Variants in ABI1 observed in about 807,000 individuals in gnomAD.
ABI1 encodes abl interactor 1.
ABI1 carries 14 observed loss-of-function variants against 54.6 expected under a neutral mutation model. The ratio of observed to expected loss-of-function variants is 0.26; its 90% CI spans 0.17 to 0.40. ABI1 has a LOEUF of 0.40. Among genes scored for constraint, ABI1 ranks in the 10% least tolerant of loss-of-function variants. The pLI, the probability that ABI1 is intolerant of heterozygous loss-of-function variation, is 1.00. For synonymous variants in ABI1, 194 were observed against 209.3 expected (o/e 0.93, Z 0.63); for missense variants, 443 against 598.3 (o/e 0.74, Z 2.71).
chr10:26,779,551 T>C (rs534090469), intron 2 of ABI1, among the ~76,000 whole-genome samples: 3 of 152,296 alleles, frequency 2.0e-5, no homozygotes, highest in African/African-American at 4.8e-5. Flanking sequence ...TACACTGAGT[T>C]TGAAAGTAAG....
At chr10:26,791,258 A>G (rs1588889443) in intron 2 of ABI1, among the ~76,000 whole-genome samples, 1 of 152,076 alleles carries the variant, frequency 6.6e-6, no homozygotes, top group East Asian at 1.9e-4. Context: ...AAACCCTAAA[A>G]GCTCTCTCCC....
At chr10:26,789,258 AT>A (rs909364433) in intron 2 of ABI1, 5 of 152,224 alleles carry the variant, frequency 3.3e-5, no homozygotes, top group Admixed American at 6.5e-5. Context: ...TTGTCAATAA[AT>A]GAAGACCATG....
chr10:26,786,339 C>G (rs550619448), intron 2 of ABI1, among the ~76,000 whole-genome samples: 71 of 152,044 alleles, frequency 4.7e-4, no homozygotes, highest in African/African-American at 1.7e-3. Flanking sequence ...TCATGACTCC[C>G]GAGTAGCTGG....
At chr10:26,822,190 A>G (rs1256486265) in intron 2 of ABI1, among the ~76,000 whole-genome samples, 3 of 152,212 alleles carry the variant, frequency 2.0e-5, no homozygotes, top group Admixed American at 6.5e-5. Flanking sequence ...ACACACATAT[A>G]TATGATCATT....
chr10:26,820,588 CTT>C (rs34548409), intron 2 of ABI1, among the ~76,000 whole-genome samples: 3,000 of 138,438 alleles, frequency 0.022, 68 homozygotes, highest in African/African-American at 0.068. Flanking sequence ...AGCTAATGCA[CTT>C]TTTTTTTTTT....
intron 3 of ABI1, among the ~76,000 whole-genome samples, chr10:26,772,428 A>C (rs1307417654): frequency 6.6e-6 from 1 of 152,148 alleles, no homozygotes; most frequent in Non-Finnish European, 1.5e-5. Context: ...ATATGTCCAC[A>C]TATCTTCCTT....
intron 2 of ABI1, among the ~76,000 whole-genome samples, 188 bp from the exon 3 acceptor site, chr10:26,777,429 A>C (rs1197335280): frequency 6.6e-6 from 1 of 152,206 alleles, no homozygotes; most frequent in African/African-American, 2.4e-5. Flanking sequence ...AGCACCAACT[A>C]ATGTAATGGA....
At chr10:26,831,678 G>A (rs1453031604) in intron 1 of ABI1, among the ~76,000 whole-genome samples, 1 of 152,002 alleles carries the variant, frequency 6.6e-6, no homozygotes, top group East Asian at 1.9e-4. Context: ...TCCCAATCCT[G>A]ACCCTTTTCT....
intron 2 of ABI1, among the ~76,000 whole-genome samples, chr10:26,816,217 GC>G (rs764082003): frequency 7.2e-5 from 11 of 152,176 alleles, no homozygotes; most frequent in Non-Finnish European, 4.4e-5. Context: ...TGAAACTGCA[GC>G]AAATACATGA....
intron 2 of ABI1, among the ~76,000 whole-genome samples, chr10:26,804,145 G>T (rs2046734840): frequency 6.6e-6 from 1 of 152,180 alleles, no homozygotes; most frequent in Non-Finnish European, 1.5e-5. Context: ...CACTTTGGGA[G>T]GCTGAGGCAA....
chr10:26,845,064 GAGA>G (rs1441197077), intron 1 of ABI1, among the ~76,000 whole-genome samples: 1 of 151,814 alleles, frequency 6.6e-6, no homozygotes, highest in African/African-American at 2.4e-5. Flanking sequence ...GCAGTATGGG[GAGA>G]AGAAGAAGAG....
At chr10:26,751,484 G>A in intron 10 of ABI1, 114 bp downstream of exon 10, 3 of 993,046 alleles carry the variant, frequency 3.0e-6, no homozygotes, top group South Asian at 2.0e-5. Flanking sequence ...AAATCATCTT[G>A]GTTGGTAAGG....
chr10:26,770,508 T>G (rs776774616), intron 4 of ABI1, 163 bp from the exon 5 acceptor site: 1 of 784,574 alleles, frequency 1.3e-6, no homozygotes, highest in Non-Finnish European at 2.3e-6. Context: ...AGGAACCACT[T>G]GCACTTGGTC....
At chr10:26,831,803 A>T (rs1178071207) in intron 1 of ABI1, among the ~76,000 whole-genome samples, 1 of 152,206 alleles carries the variant, frequency 6.6e-6, no homozygotes, top group Non-Finnish European at 1.5e-5. Context: ...ACATTGTGTC[A>T]AGAATACTAT....
chr10:26,832,318 C>T (rs1047992247), intron 1 of ABI1, among the ~76,000 whole-genome samples: 2 of 152,168 alleles, frequency 1.3e-5, no homozygotes, highest in Non-Finnish European at 2.9e-5. Context: ...CGCAGTGGCT[C>T]ACTCCTGTAA....
chr10:26,754,696 G>A (rs1372153448), intron 9 of ABI1, among the ~76,000 whole-genome samples: 1 of 152,156 alleles, frequency 6.6e-6, no homozygotes, highest in East Asian at 1.9e-4. Context: ...TTATTCATTT[G>A]TTCAAACCAT....
At chr10:26,794,569 C>A (rs937141762) in intron 2 of ABI1, among the ~76,000 whole-genome samples, 1 of 150,818 alleles carries the variant, frequency 6.6e-6, no homozygotes, top group Non-Finnish European at 1.5e-5. Context: ...CCATCCTATG[C>A]CCTCAGTTTC....
rs1840974226 is a variant in ABI1 at position 26,773,341 on chromosome 10, A to G, written c.463-2252T>C. Among the ~76,000 whole-genome samples the G allele has an allele frequency of 2.6e-5, 4 of 150,954 alleles. No individual in the cohort carries two copies. In the South Asian group the frequency reaches 8.4e-4, roughly 32 times the overall value. Reference sequence around the variant, plus strand: ...CTCAGCCTCCCAAGTAGCTGGGATTAAAACTGTGTGCCACCATGCTTGGCT... The same window carrying G: ...CTCAGCCTCCCAAGTAGCTGGGATTGAAACTGTGTGCCACCATGCTTGGCT... On this transcript the variant is annotated intron_variant, in intron 3 of 10. Transcript: ENST00000376140.
chr10:26,805,166 G>T (rs10764643), intron 2 of ABI1, among the ~76,000 whole-genome samples: 1 of 152,022 alleles, frequency 6.6e-6, no homozygotes. Context: ...GGCAGAAATA[G>T]GAGAGTTGAA....
Sources: gnomAD v4.1 joint callset for allele counts (sites outside exome capture counted in the v4.1 genomes callset) on GRCh38, gnomAD v4.1.1 for gene constraint, MANE v1.5 for transcripts, NCBI Gene and HGNC (gene_info 2026-07-23, HGNC 2026-07-21) for gene names.